KLHDC3: variants seen among roughly 807,000 people sequenced by gnomAD.
KLHDC3 encodes kelch domain-containing protein 3.
A neutral mutation model predicts 44.1 loss-of-function variants in KLHDC3; 5 were observed. The observed-to-expected ratio is 0.11, with a 90% CI of 0.06 to 0.24. The LOEUF is 0.24. KLHDC3 is among the 10% of genes least tolerant of loss of function. The pLI, the probability that KLHDC3 is intolerant of heterozygous loss-of-function variation, is 1.00. For synonymous variants in KLHDC3, 170 were observed against 189.0 expected (o/e 0.90, Z 0.82); for missense variants, 247 against 514.3 (o/e 0.48, Z 5.03).
At chr6:43,015,498 GA>G (rs775265985) in intron 1 of KLHDC3, among the ~76,000 whole-genome samples, 1 of 152,170 alleles carries the variant, frequency 6.6e-6, no homozygotes, top group Non-Finnish European at 1.5e-5. Context: ...GGATTTGCCT[GA>G]AAAAACCTCA....
intron 1 of KLHDC3, among the ~76,000 whole-genome samples, chr6:43,015,102 G>A (rs940628691): frequency 1.3e-5 from 2 of 152,134 alleles, no homozygotes; most frequent in Non-Finnish European, 2.9e-5. Context: ...TATCTGAAGG[G>A]AAGAATAGAG....
chr6:43,014,903 G>A (rs1289265016), intron 1 of KLHDC3, among the ~76,000 whole-genome samples: 1 of 152,196 alleles, frequency 6.6e-6, no homozygotes, highest in African/African-American at 2.4e-5. Context: ...AATAGAAGAA[G>A]TTTGAAAATG....
In KLHDC3 at chr6:43,017,219, G is replaced by T; in HGVS notation, c.27G>T (p.Glu9Asp). ...TGTTACGGTGGACAGTGCACCTGGA[G>T]GGCGGGCCCCGCAGGGTGAACCATG... Reference protein sequence around the residue: MLRWTVHLEGGPRRVNHAA... With the variant: MLRWTVHLDGGPRRVNHAA... Residue 9 changes from glutamate to aspartate, a missense_variant, in exon 2 of 11, where the codon GAG (glutamate) becomes GAT (aspartate). Glu to Asp is a conservative substitution (Grantham distance 45). Transcript: ENST00000326974. This position sits in a 1 kb window ranked among gnomAD's most constrained non-coding sequence, Gnocchi z 6.0. 4 of 1,613,936 alleles carry T rather than the reference G, an allele frequency of 2.5e-6. No homozygotes were observed. Among genetic ancestry groups the T allele is most frequent in the Non-Finnish European group, 3.4e-6 (4 of 1,179,976 alleles).
rs776544673 is a variant in KLHDC3 at position 43,018,476 on chromosome 6, T to A, written c.653T>A (p.Val218Asp). ...GAGATTTACTGCAACCGCATTCGAGTCTTTGACACCAGAACTGAGGCTTGG... is the reference window on the plus strand; with the variant it reads ...GAGATTTACTGCAACCGCATTCGAGACTTTGACACCAGAACTGAGGCTTGG... The part of the protein sequence containing the change: ...NNEIYCNRIR[V>D]FDTRTEAWLD... The change falls in exon 6 of 11, where the codon GTC becomes GAC. Residue 218 changes from valine (V) to aspartate (D), a missense_variant. By Grantham distance (152) the Val-to-Asp change is radical (BLOSUM62 -3). Coordinates refer to ENST00000326974, the MANE Select transcript of KLHDC3 (RefSeq NM_057161.4). This position sits in a 1 kb window ranked among gnomAD's most constrained non-coding sequence, Gnocchi z 6.0. 2 of 1,613,986 alleles carry A rather than the reference T, an allele frequency of 1.2e-6. No individual in the cohort carries two copies. The highest frequency in any genetic ancestry group is 2.2e-5 in the South Asian group (2 of 91,074).
Position 43,018,268 on chromosome 6 carries a change from T to G in KLHDC3, c.519+52T>G. On this transcript the variant is annotated intron_variant, in intron 5 of 10. Coordinates refer to ENST00000326974, the MANE Select transcript of KLHDC3 (RefSeq NM_057161.4). The surrounding 1 kb of genome is among the most constrained non-coding windows in gnomAD (Gnocchi z 6.0). ...TCCCCACCCTCTGTTGAAGCAATGA[T>G]AGGAAGCTCAGTCAGAGGAGATCCT... The G allele has an allele frequency of 6.4e-7, 1 of 1,571,936 alleles. No individual in the cohort carries two copies. Among genetic ancestry groups the G allele is most frequent in the Non-Finnish European group, 8.8e-7 (1 of 1,142,140 alleles).
rs757024937 is a variant in KLHDC3 at position 43,018,420 on chromosome 6, C to G, written c.597C>G (p.Ala199=). Reference sequence around the variant, plus strand: ...ACATGTATGTCTTTGGGGGCCGTGCCGACCGCTTTGGGCCATTCCATTCCA... The same window carrying G: ...ACATGTATGTCTTTGGGGGCCGTGCGGACCGCTTTGGGCCATTCCATTCCA... ...GSHMYVFGGR[A]DRFGPFHSNN... Residue 199 remains alanine (A), a synonymous_variant, in exon 6 of 11, where the codon GCC becomes GCG. Transcript: ENST00000326974. This position sits in a 1 kb window ranked among gnomAD's most constrained non-coding sequence, Gnocchi z 6.0. The G allele has an allele frequency of 1.9e-6, 3 of 1,614,142 alleles. No homozygotes were observed. The highest frequency in any genetic ancestry group is 2.5e-6 in the Non-Finnish European group (3 of 1,180,024).
chr6:43,019,454 G>A, intron 10 of KLHDC3, 88 bp downstream of exon 10: 1 of 861,978 alleles, frequency 1.2e-6, no homozygotes. Flanking sequence ...CAGTATGGAG[G>A]AGACAGACAT....
In KLHDC3 at chr6:43,018,423, C is replaced by T; in HGVS notation, c.600C>T (p.Asp200=). 1.2e-6 allele frequency: 2 copies of T among 1,614,200 alleles called. No individual in the cohort carries two copies. Among genetic ancestry groups the T allele is most frequent in the Non-Finnish European group, 1.7e-6 (2 of 1,180,038 alleles). Residue 200 remains aspartate, a synonymous_variant, in exon 6 of 11, where the codon GAC becomes GAT. Transcript: ENST00000326974. This position sits in a 1 kb window ranked among gnomAD's most constrained non-coding sequence, Gnocchi z 6.0. ...TGTATGTCTTTGGGGGCCGTGCCGA[C>T]CGCTTTGGGCCATTCCATTCCAACA... ...SHMYVFGGRA[D]RFGPFHSNNE...
chr6:43,020,290 G>A (rs991670994), intron 10 of KLHDC3, among the ~76,000 whole-genome samples: 1 of 152,140 alleles, frequency 6.6e-6, no homozygotes. Flanking sequence ...TATTCCTGGT[G>A]GGGTGAGGCA....
In KLHDC3 at chr6:43,017,019, A is replaced by C; in HGVS notation, c.-59-115A>C. On this transcript the variant is annotated intron_variant, in intron 1 of 10. Transcript: ENST00000326974. The surrounding 1 kb of genome is among the most constrained non-coding windows in gnomAD (Gnocchi z 6.0). ...GAGACTAGTGCCCCTGTGGAGGGGT[A>C]GTGTGGGAGGGCCCCCAGGGTGACA... 1 of 706,926 alleles carries C rather than the reference A, an allele frequency of 1.4e-6. No individual in the cohort carries two copies. The highest frequency in any genetic ancestry group is 2.4e-6 in the Non-Finnish European group (1 of 416,914). 43.8% of individuals were successfully genotyped at this position (706,926 alleles called of 1,614,324 possible).
intron 10 of KLHDC3, 145 bp from the exon 11 acceptor site, chr6:43,020,522 G>C: frequency 1.5e-6 from 1 of 648,524 alleles, no homozygotes; most frequent in Non-Finnish European, 2.8e-6. Flanking sequence ...GTTCAACCTA[G>C]TAGGTCTCTT....
In KLHDC3 at chr6:43,018,285, G is replaced by A; in HGVS notation, c.520-58G>A. 4 of 1,585,658 alleles carry A rather than the reference G, an allele frequency of 2.5e-6. No homozygotes were observed. Among genetic ancestry groups the A allele is most frequent in the Non-Finnish European group, 3.5e-6 (4 of 1,154,904 alleles). On this transcript the variant is annotated intron_variant, in intron 5 of 10. Coordinates refer to ENST00000326974, the MANE Select transcript of KLHDC3 (RefSeq NM_057161.4). This position sits in a 1 kb window ranked among gnomAD's most constrained non-coding sequence, Gnocchi z 6.0. ...AGCAATGATAGGAAGCTCAGTCAGA[G>A]GAGATCCTCTTCCAGTCTTTGTGCT... is the stretch of plus-strand genomic sequence containing the variant.
chr6:43,019,258 C>A, intron 9 of KLHDC3, 30 bp from the exon 10 acceptor site: 1 of 1,586,464 alleles, frequency 6.3e-7, no homozygotes, highest in South Asian at 1.1e-5. Flanking sequence ...CACCTTTGAC[C>A]ATCTCCTTTC....
At position 43,017,231 on chromosome 6, in the gene KLHDC3, C is replaced by A; in HGVS notation, c.39C>A (p.Arg13=). The stretch of plus-strand genomic sequence containing the variant: ...CAGTGCACCTGGAGGGCGGGCCCCG[C>A]AGGGTGAACCATGCTGCAGTGGCTG... The part of the protein sequence containing the change: ...RWTVHLEGGP[R]RVNHAAVAVG... The change falls in exon 2 of 11, where the codon CGC becomes CGA. Residue 13 remains arginine, a synonymous_variant. Transcript: ENST00000326974. This position sits in a 1 kb window ranked among gnomAD's most constrained non-coding sequence, Gnocchi z 6.0. The A allele has an allele frequency of 6.2e-7, 1 of 1,614,098 alleles. No homozygotes were observed. Among genetic ancestry groups the A allele is most frequent in the Non-Finnish European group, 8.5e-7 (1 of 1,180,002 alleles).
rs766097001 is a variant in KLHDC3, at chr6:43,017,145, A to G, written c.-48A>G. 7.6e-6 allele frequency: 12 copies of G among 1,587,360 alleles called. No individual in the cohort carries two copies. In the African/African-American group the frequency reaches 1.5e-4, roughly 19 times the overall value. Reference sequence around the variant, plus strand: ...CAATTTGTGTGCAGATAGCAGAGGCAGCAGGCCGTGCCGGGGGGGCATGTT... The same window carrying G: ...CAATTTGTGTGCAGATAGCAGAGGCGGCAGGCCGTGCCGGGGGGGCATGTT... On this transcript the variant is annotated 5_prime_UTR_variant, in exon 2 of 11. Transcript: ENST00000326974. The surrounding 1 kb of genome is among the most constrained non-coding windows in gnomAD (Gnocchi z 6.0).
At position 43,017,923 on chromosome 6, in the gene KLHDC3, T is replaced by C; in HGVS notation, c.402T>C (p.Cys134=). ...GGGCCCGGGATGGACATTCAGCCTG[T>C]GTCCTAGGCAAGATCATGTACATTT... ...VPGARDGHSA[C]VLGKIMYIFG... is the part of the protein sequence containing the mutation. Residue 134 remains cysteine (C), a synonymous_variant, in exon 4 of 11, where the codon TGT becomes TGC. Coordinates refer to ENST00000326974, the MANE Select transcript of KLHDC3 (RefSeq NM_057161.4). The surrounding 1 kb of genome is among the most constrained non-coding windows in gnomAD (Gnocchi z 6.0). The C allele has an allele frequency of 6.2e-7, 1 of 1,614,102 alleles. No individual in the cohort carries two copies. The highest frequency in any genetic ancestry group is 8.5e-7 in the Non-Finnish European group (1 of 1,180,014).
rs1274111678 is a variant in KLHDC3, at chr6:43,017,483, G to A, written c.155-36G>A. The stretch of plus-strand genomic sequence containing the variant: ...TTTGGGAAAAGTGGACAGCCTGGAG[G>A]GAGGTTCCCAGGGCTGAGCAGAGCT... On this transcript the variant is annotated intron_variant, in intron 2 of 10. Coordinates refer to ENST00000326974, the MANE Select transcript of KLHDC3 (RefSeq NM_057161.4). The surrounding 1 kb of genome is among the most constrained non-coding windows in gnomAD (Gnocchi z 6.0). The A allele has an allele frequency of 2.6e-6, 4 of 1,566,710 alleles. No homozygotes were observed. The Admixed American group carries it at 7.1e-5, about 28-fold the overall frequency.
rs1762612338 is a variant in KLHDC3 at position 43,017,782 on chromosome 6, A to G, written c.332-71A>G. 6.3e-7 allele frequency: 1 copy of G among 1,581,766 alleles called. No individual in the cohort carries two copies. Among genetic ancestry groups the G allele is most frequent in the South Asian group, 1.1e-5 (1 of 90,520 alleles). ...GTTTGGGTTGGGGGTCTTGGGGAGTAGAGTACCCCAGAGCTGAGGAGGGAC... is the reference window on the plus strand; with the variant it reads ...GTTTGGGTTGGGGGTCTTGGGGAGTGGAGTACCCCAGAGCTGAGGAGGGAC... On this transcript the variant is annotated intron_variant, in intron 3 of 10. Coordinates refer to ENST00000326974, the MANE Select transcript of KLHDC3 (RefSeq NM_057161.4). The surrounding 1 kb of genome is among the most constrained non-coding windows in gnomAD (Gnocchi z 6.0).
At chr6:43,020,441 C>T (rs754119468) in intron 10 of KLHDC3, among the ~76,000 whole-genome samples, 4 of 152,038 alleles carry the variant, frequency 2.6e-5, no homozygotes, top group Non-Finnish European at 4.4e-5. Flanking sequence ...TAAACATAAA[C>T]CGGAAATCCA....
Sources: gnomAD v4.1 joint callset for allele counts (sites outside exome capture counted in the v4.1 genomes callset) on GRCh38, gnomAD v4.1.1 for gene constraint, Gnocchi (gnomAD v3.1) non-coding constraint, MANE v1.5 for transcripts, NCBI Gene and HGNC (gene_info 2026-07-23, HGNC 2026-07-21) for gene names.